Variants in MOB1B observed in about 807,000 individuals in gnomAD.
The protein encoded by MOB1B is MOB kinase activator 1B.
MOB1B carries 19 observed loss-of-function variants against 24.4 expected under a neutral mutation model. That is an observed-to-expected ratio of 0.78 (90% CI 0.54 to 1.14). The LOEUF is 1.14. Ranked by LOEUF, MOB1B falls within the 50% of genes most tolerant of loss-of-function variation. MOB1B has a pLI of 0.00. For synonymous variants in MOB1B, 76 were observed against 82.1 expected, an observed-to-expected ratio of 0.93 and a Z score of 0.40; for missense variants, 243 against 259.6, an observed-to-expected ratio of 0.94 and a Z score of 0.44.
chr4:70,959,156 G>A (rs1560656524), intron 2 of MOB1B, 116 bp downstream of exon 2: 1 of 743,108 alleles, frequency 1.3e-6, no homozygotes, highest in Non-Finnish European at 2.2e-6. Context: ...TCATAAAAGA[G>A]TGATATCTCA....
At chr4:70,914,886 A>G (rs1179255315) in intron 1 of MOB1B, among the ~76,000 whole-genome samples, 3 of 152,078 alleles carry the variant, frequency 2.0e-5, no homozygotes, top group African/African-American at 4.8e-5. Flanking sequence ...CCCCTCCTGT[A>G]GCATATAAAG....
intron 3 of MOB1B, among the ~76,000 whole-genome samples, chr4:70,972,439 C>G (rs1237866421): frequency 1.3e-5 from 2 of 152,032 alleles, no homozygotes; most frequent in African/African-American, 4.8e-5. Context: ...GTCTCAAACT[C>G]CTGACCTCAA....
At position 70,987,266 on chromosome 4, in the gene MOB1B, T is replaced by A. The variant is rs1399107420; in HGVS notation, c.*5209T>A. 2 of 151,958 alleles carry A rather than the reference T, an allele frequency of 1.3e-5. No homozygotes were observed. Among genetic ancestry groups the A allele is most frequent in the Non-Finnish European group, 2.9e-5 (2 of 67,930 alleles). The allele number at this position is 151,958 out of a possible 1,614,324, so 9.4% of individuals were successfully genotyped here. ...TAGTGATACAAAGTTAAAATTTCAATATTTAATTTCTCTATATATTATTAA... is the reference window on the plus strand; with the variant it reads ...TAGTGATACAAAGTTAAAATTTCAAAATTTAATTTCTCTATATATTATTAA... On this transcript the variant is annotated 3_prime_UTR_variant, in exon 6 of 6. Transcript: ENST00000309395.
chr4:70,962,284 ACT>A (rs773335780), intron 2 of MOB1B, among the ~76,000 whole-genome samples: 5 of 152,116 alleles, frequency 3.3e-5, no homozygotes, highest in South Asian at 4.1e-4. Flanking sequence ...ATTAGTCAAA[ACT>A]CTACCTGATA....
chr4:70,963,611 G>A (rs989968129), intron 2 of MOB1B, among the ~76,000 whole-genome samples: 2 of 152,080 alleles, frequency 1.3e-5, no homozygotes, highest in African/African-American at 4.8e-5. Flanking sequence ...CTTGAGCCCA[G>A]GAGTTTGAGA....
intron 1 of MOB1B, among the ~76,000 whole-genome samples, chr4:70,956,944 A>G (rs1298370681): frequency 6.6e-6 from 1 of 152,070 alleles, no homozygotes; most frequent in East Asian, 1.9e-4. Context: ...GTACTTTTTG[A>G]CAGCTCCTCA....
intron 2 of MOB1B, among the ~76,000 whole-genome samples, chr4:70,968,466 C>T (rs928750966): frequency 6.6e-6 from 1 of 152,140 alleles, no homozygotes; most frequent in Non-Finnish European, 1.5e-5. Flanking sequence ...CATGCGCCAC[C>T]ACACCCGGCT....
rs1191248099 is a variant in MOB1B at position 70,986,021 on chromosome 4, T to G, written c.*3964T>G. 2 of 152,242 alleles carry G rather than the reference T, an allele frequency of 1.3e-5. No homozygotes were observed. Among genetic ancestry groups the G allele is most frequent in the African/African-American group, 4.8e-5 (2 of 41,472 alleles). The allele number at this position is 152,242 out of a possible 1,614,324, so 9.4% of individuals were successfully genotyped here. A position where few individuals can be genotyped will look rare whatever the true frequency, so the allele number is the denominator to read the frequency against. ...TGAAGTGGAAATTATCACTTGGATG[T>G]GGAGGTTTTACTTTTTAAAAACATT... On this transcript the variant is annotated 3_prime_UTR_variant, in exon 6 of 6. Coordinates refer to ENST00000309395, the MANE Select transcript of MOB1B (RefSeq NM_173468.4).
chr4:70,902,386 C>G lies in MOB1B; in HGVS notation c.-151C>G, dbSNP rs1735542066. 7.8e-6 allele frequency: 6 copies of G among 765,394 alleles called. No individual in the cohort carries two copies. The Admixed American group carries it at 8.1e-5, about 10-fold the overall frequency. The allele number at this position is 765,394 out of a possible 1,614,324, so 47.4% of individuals were successfully genotyped here. ...CCCCTGCCATTGGAACTAGCTGAGC[C>G]GAACTAGTTGCGGCCACCGAGCAGC... On this transcript the variant is annotated 5_prime_UTR_variant, in exon 1 of 6. Transcript: ENST00000309395.
intron 1 of MOB1B, among the ~76,000 whole-genome samples, chr4:70,919,143 C>T (rs1424116282): frequency 6.6e-6 from 1 of 151,448 alleles, no homozygotes; most frequent in Non-Finnish European, 1.5e-5. Context: ...GAACATCACA[C>T]TCTGGGGACT....
intron 1 of MOB1B, among the ~76,000 whole-genome samples, chr4:70,924,978 A>G (rs1042832901): frequency 2.6e-5 from 4 of 152,214 alleles, no homozygotes; most frequent in African/African-American, 7.2e-5. Flanking sequence ...AAAAACTACA[A>G]TTTTAAACAG....
At chr4:70,936,471 C>T (rs1737089741) in intron 1 of MOB1B, among the ~76,000 whole-genome samples, 1 of 152,122 alleles carries the variant, frequency 6.6e-6, no homozygotes. Context: ...TCTCTGAAAG[C>T]ACTGGCATCA....
chr4:70,948,602 TTTAG>T (rs1737679041), intron 1 of MOB1B, among the ~76,000 whole-genome samples: 1 of 152,184 alleles, frequency 6.6e-6, no homozygotes, highest in African/African-American at 2.4e-5. Flanking sequence ...ACTGATTATA[TTTAG>T]TATGTTCTTC....
rs1025071873 is a variant in MOB1B, at chr4:70,939,184, A to G, written c.15-19690A>G. The stretch of plus-strand genomic sequence containing the variant: ...ACAATTGCAAATGCTTAACAGAACA[A>G]TAAAATGGTTTAGTACTTACAAGAA... On this transcript the variant is annotated intron_variant, in intron 1 of 5. Coordinates refer to ENST00000309395, the MANE Select transcript of MOB1B (RefSeq NM_173468.4). Among the ~76,000 whole-genome samples, 6 of 152,254 alleles carry G rather than the reference A, an allele frequency of 3.9e-5. 1 individual carries two copies. The highest frequency in any genetic ancestry group is 1.4e-4 in the African/African-American group (6 of 41,466).
At chr4:70,971,990 C>T (rs1357062489) in intron 3 of MOB1B, among the ~76,000 whole-genome samples, 1 of 151,642 alleles carries the variant, frequency 6.6e-6, no homozygotes, top group Non-Finnish European at 1.5e-5. Context: ...TGTCTTTCCT[C>T]CCTCTCTTCC....
At chr4:70,902,851 G>T (rs900237672) in intron 1 of MOB1B, among the ~76,000 whole-genome samples, 2 of 152,160 alleles carry the variant, frequency 1.3e-5, no homozygotes, top group African/African-American at 4.8e-5. Flanking sequence ...GCCTTCGCTC[G>T]CATTCCCGGG....
At chr4:70,918,391 G>A (rs1445947236) in intron 1 of MOB1B, among the ~76,000 whole-genome samples, 1 of 151,448 alleles carries the variant, frequency 6.6e-6, no homozygotes, top group Admixed American at 6.6e-5. Flanking sequence ...TCTAACTGGT[G>A]TGAGATGGTA....
At chr4:70,932,890 C>G (rs990660372) in intron 1 of MOB1B, among the ~76,000 whole-genome samples, 1 of 152,114 alleles carries the variant, frequency 6.6e-6, no homozygotes, top group African/African-American at 2.4e-5. Flanking sequence ...TGAAAAGTCT[C>G]CATTTGTATA....
At chr4:70,943,129 C>A (rs990040322) in intron 1 of MOB1B, among the ~76,000 whole-genome samples, 2 of 152,136 alleles carry the variant, frequency 1.3e-5, no homozygotes, top group Admixed American at 6.5e-5. Context: ...CTAGAAAGTA[C>A]TTTACCTTTT....
Sources: allele counts gnomAD v4.1 joint callset (sites outside exome capture counted in the v4.1 genomes callset), GRCh38; gene constraint gnomAD v4.1.1; transcripts MANE v1.5; gene names NCBI Gene and HGNC (gene_info 2026-07-23, HGNC 2026-07-21).